CACNA1E: variants seen among roughly 807,000 people sequenced by gnomAD.
The protein encoded by CACNA1E is voltage-dependent R-type calcium channel subunit alpha-1E.
In CACNA1E, 40 loss-of-function variants were observed where a neutral mutation model predicts 259.2. The ratio of observed to expected loss-of-function variants is 0.15; its 90% CI spans 0.12 to 0.20. The LOEUF (loss-of-function observed/expected upper bound fraction) is 0.20. Among genes scored for constraint, CACNA1E ranks in the 10% least tolerant of loss-of-function variants. CACNA1E has a pLI of 1.00. For synonymous variants in CACNA1E, 1,104 were observed against 1,138.5 expected, an observed-to-expected ratio of 0.97 and a Z score of 0.61; for missense variants, 1,874 against 3,040.1, an observed-to-expected ratio of 0.62 and a Z score of 9.02.
chr1:181,335,306 A>G lies in CACNA1E; in HGVS notation c.-15+17183A>G, dbSNP rs996228899. Among the ~76,000 whole-genome samples the G allele has an allele frequency of 6.6e-5, 10 of 152,324 alleles. No individual in the cohort carries two copies. The South Asian group carries it at 1.9e-3, about 28-fold the overall frequency. On this transcript the variant is annotated intron_variant, in intron 1 of 11. Coordinates refer to the CACNA1E transcript ENST00000524607. The stretch of plus-strand genomic sequence containing the variant: ...CTTCCTTATCCTTAGCCCTAAGTTG[A>G]TGCTGCAGTTGAAGTCTTGACTGCA...
intron 2 of CACNA1E, among the ~76,000 whole-genome samples, chr1:181,426,479 ATCTCATTCCCT>A (rs1358363496): frequency 7.5e-6 from 1 of 133,470 alleles, no homozygotes; most frequent in Non-Finnish European, 1.6e-5. Flanking sequence ...ACCCCTTCCC[ATCTCATTCCCT>A]TCAAAACTCA....
chr1:181,690,230 G>A (rs1038528320), intron 7 of CACNA1E, among the ~76,000 whole-genome samples: 2 of 152,112 alleles, frequency 1.3e-5, no homozygotes, highest in East Asian at 3.9e-4. Flanking sequence ...TATTAAATAG[G>A]GAATCCTTTC....
chr1:181,430,448 T>C (rs1463469592), intron 2 of CACNA1E, among the ~76,000 whole-genome samples: 1 of 152,218 alleles, frequency 6.6e-6, no homozygotes, highest in Non-Finnish European at 1.5e-5. Context: ...GGGCATGTCC[T>C]TAGGCAAGCA....
intron 26 of CACNA1E, chr1:181,751,831 A>G (rs1241393200): frequency 4.2e-6 from 2 of 478,066 alleles, no homozygotes; most frequent in Non-Finnish European, 8.1e-6. Flanking sequence ...TTAGGGAAGG[A>G]AGTGTTTATT....
chr1:181,752,201 A>G lies in CACNA1E; in HGVS notation c.3790A>G (p.Arg1264Gly). The change falls in exon 27 of 48, where the codon AGG (arginine) becomes GGG (glycine). Residue 1264 changes from arginine (R) to glycine (G), a missense_variant. Physicochemically the swap from Arg to Gly is moderately radical, Grantham distance 125. Transcript: ENST00000367573. ...GTCTCTGCGGGTGCTCCGAGTTCTA[A>G]GGCCACTGAAAACCATCAAGCGCTT... ...IKSLRVLRVL[R>G]PLKTIKRLPK... is the part of the protein sequence containing the mutation. 1 of 1,613,942 alleles carries G rather than the reference A, an allele frequency of 6.2e-7. No individual in the cohort carries two copies. Among genetic ancestry groups the G allele is most frequent in the Non-Finnish European group, 8.5e-7 (1 of 1,179,834 alleles).
intron 7 of CACNA1E, among the ~76,000 whole-genome samples, chr1:181,683,374 G>A (rs750278214): frequency 1.3e-5 from 2 of 152,186 alleles, no homozygotes; most frequent in Non-Finnish European, 2.9e-5. Flanking sequence ...GTCTCCTGCA[G>A]CATTGTGTTC....
At chr1:181,403,728 G>A (rs1182547791) in intron 1 of CACNA1E, among the ~76,000 whole-genome samples, 1 of 152,210 alleles carries the variant, frequency 6.6e-6, no homozygotes, top group Admixed American at 6.5e-5. Context: ...GCTTTGGGGT[G>A]TAAGTAACAG....
At position 181,804,317 on chromosome 1, in the gene CACNA1E, C is replaced by T. The variant is rs1662483916; in HGVS notation, c.*5483C>T. The T allele has an allele frequency of 6.6e-6, 1 of 152,142 alleles. No individual in the cohort carries two copies. Among genetic ancestry groups the T allele is most frequent in the Non-Finnish European group, 1.5e-5 (1 of 68,032 alleles). 9.4% of individuals were successfully genotyped at this position (152,142 alleles called of 1,614,324 possible). A position where few individuals can be genotyped will look rare whatever the true frequency, so the allele number is the denominator to read the frequency against. ...GTGATATGATATTTGAGTCAAAAAT[C>T]TGAGGTTATAGTACCAGCTGTCTTT... On this transcript the variant is annotated 3_prime_UTR_variant, in exon 48 of 48. Coordinates refer to ENST00000367573, the MANE Select transcript of CACNA1E (RefSeq NM_001205293.3).
At chr1:181,716,971 A>G (rs1229951661) in intron 10 of CACNA1E, 122 bp from the exon 11 acceptor site, 1 of 746,192 alleles carries the variant, frequency 1.3e-6, no homozygotes, top group African/African-American at 1.7e-5. Flanking sequence ...GATTCCCCAC[A>G]CCTGCAATGT....
At chr1:181,337,094 A>C (rs1458056809) in intron 1 of CACNA1E, among the ~76,000 whole-genome samples, 1 of 151,630 alleles carries the variant, frequency 6.6e-6, no homozygotes, top group African/African-American at 2.4e-5. Flanking sequence ...ACAGCCAAGC[A>C]AATTAACATA....
At chr1:181,736,461 T>G (rs1222735096) in intron 22 of CACNA1E, 27 bp downstream of exon 22, 2 of 1,600,302 alleles carry the variant, frequency 1.2e-6, no homozygotes, top group South Asian at 2.3e-5. Flanking sequence ...TTGCTCCCTC[T>G]TTAGTGCTAG....
At chr1:181,723,567 T>C (rs1654608193) in intron 16 of CACNA1E, among the ~76,000 whole-genome samples, 1 of 152,192 alleles carries the variant, frequency 6.6e-6, no homozygotes, top group South Asian at 2.1e-4. Context: ...TACCTGGAGA[T>C]AGCATCAGAT....
At chr1:181,413,991 TC>T (rs1658076040) in intron 2 of CACNA1E, among the ~76,000 whole-genome samples, 1 of 152,226 alleles carries the variant, frequency 6.6e-6, no homozygotes, top group South Asian at 2.1e-4. Context: ...CTTTTTAATA[TC>T]CTCCTTGGAT....
At chr1:181,707,424 G>A (rs1398984591) in intron 7 of CACNA1E, among the ~76,000 whole-genome samples, 2 of 152,142 alleles carry the variant, frequency 1.3e-5, no homozygotes, top group Admixed American at 6.5e-5. Flanking sequence ...CCCAGCGAGT[G>A]AGACCTGGAT....
chr1:181,571,825 G>C (rs1392461081), intron 3 of CACNA1E, among the ~76,000 whole-genome samples: 2 of 152,176 alleles, frequency 1.3e-5, no homozygotes, highest in African/African-American at 4.8e-5. Context: ...TCTCTGGCTT[G>C]TGTCTCCTTT....
intron 1 of CACNA1E, among the ~76,000 whole-genome samples, chr1:181,372,014 A>G (rs1169776995): frequency 2.0e-5 from 3 of 152,288 alleles, no homozygotes; most frequent in South Asian, 4.1e-4. Flanking sequence ...GAAGTTGGGT[A>G]ACGTGATACC....
At chr1:181,399,738 T>A (rs1294619707) in intron 1 of CACNA1E, among the ~76,000 whole-genome samples, 2 of 152,350 alleles carry the variant, frequency 1.3e-5, no homozygotes, top group Non-Finnish European at 2.9e-5. Flanking sequence ...AGATACTACG[T>A]GCCAGTGAGG....
At position 181,804,128 on chromosome 1, in the gene CACNA1E, A is replaced by G. The variant is rs1326048793; in HGVS notation, c.*5294A>G. ...AAAGAGTTGAGTAGACCAAGTCAAA[A>G]GAGGTGTGGGGATTTATGTTTATTT... is the stretch of plus-strand genomic sequence containing the variant. On this transcript the variant is annotated 3_prime_UTR_variant, in exon 48 of 48. Transcript: ENST00000367573. 1 of 152,188 alleles carries G rather than the reference A, an allele frequency of 6.6e-6. No homozygotes were observed. The highest frequency in any genetic ancestry group is 1.5e-5 in the Non-Finnish European group (1 of 68,042). 9.4% of individuals were successfully genotyped at this position (152,188 alleles called of 1,614,324 possible). A position where few individuals can be genotyped will look rare whatever the true frequency, so the allele number is the denominator to read the frequency against.
intron 6 of CACNA1E, among the ~76,000 whole-genome samples, chr1:181,628,064 T>C (rs928846370): frequency 6.6e-6 from 1 of 152,328 alleles, no homozygotes; most frequent in South Asian, 2.1e-4. Context: ...GATGATGAGA[T>C]AATGAGATGA....
Sources: allele counts gnomAD v4.1 joint callset (sites outside exome capture counted in the v4.1 genomes callset), GRCh38; gene constraint gnomAD v4.1.1; transcripts MANE v1.5; gene names NCBI Gene and HGNC (gene_info 2026-07-23, HGNC 2026-07-21).